KDM2B: variants seen among roughly 807,000 people sequenced by gnomAD.
The protein encoded by KDM2B is lysine-specific demethylase 2B.
In KDM2B, 26 loss-of-function variants were observed where a neutral mutation model predicts 150.0. The ratio of observed to expected loss-of-function variants is 0.17; its 90% CI spans 0.13 to 0.24. The LOEUF (loss-of-function observed/expected upper bound fraction) is 0.24, where lower values mean the gene tolerates loss of function less well. KDM2B is among the 10% of genes least tolerant of loss of function. KDM2B has a pLI of 1.00. For synonymous variants in KDM2B, 734 were observed against 729.5 expected, an observed-to-expected ratio of 1.01 and a Z score of -0.10; for missense variants, 1,265 against 1,816.9, an observed-to-expected ratio of 0.70 and a Z score of 5.52.
intron 12 of KDM2B, among the ~76,000 whole-genome samples, chr12:121,457,701 C>T (rs1461709511): frequency 6.6e-6 from 1 of 151,248 alleles, no homozygotes. Context: ...GGAACCATAT[C>T]CTCAGCCCAC....
intron 22 of KDM2B, among the ~76,000 whole-genome samples, chr12:121,433,457 T>G (rs917763622): frequency 7.9e-5 from 12 of 152,228 alleles, no homozygotes; most frequent in Non-Finnish European, 1.5e-5. Context: ...TGGGCTCAAG[T>G]GATCCTCCCA....
At chr12:121,484,302 G>A (rs1385189458) in intron 12 of KDM2B, among the ~76,000 whole-genome samples, 4 of 152,104 alleles carry the variant, frequency 2.6e-5, no homozygotes, top group Admixed American at 6.6e-5. Context: ...GGTTGGGGCT[G>A]GCATGGAGAG....
intron 4 of KDM2B, among the ~76,000 whole-genome samples, chr12:121,554,033 CCACA>C (rs56659514): frequency 0.14 from 16,927 of 121,892 alleles, 1,137 homozygotes; most frequent in African/African-American, 0.18. Flanking sequence ...CACCCCAGCT[CCACA>C]CACACACACA....
chr12:121,553,180 G>A (rs1038578423), intron 4 of KDM2B, among the ~76,000 whole-genome samples: 35 of 151,764 alleles, frequency 2.3e-4, no homozygotes, highest in African/African-American at 6.8e-4. Context: ...GCAGCGAGCC[G>A]AGATCGCGCC....
At chr12:121,422,843 A>G in the KDM2B span, among the ~76,000 whole-genome samples, 1 of 152,352 alleles carries the variant, frequency 6.6e-6, no homozygotes, top group South Asian at 2.1e-4. Context: ...CAGCAGGGCC[A>G]GGAACACAGA....
chr12:121,505,285 C>CA (rs34080184), intron 11 of KDM2B, among the ~76,000 whole-genome samples: 1,359 of 84,286 alleles, frequency 0.016, 19 homozygotes, highest in Middle Eastern at 0.082. Flanking sequence ...GATTGCATCT[C>CA]AAAAAAAAAA....
chr12:121,414,595 A>C, the KDM2B span, among the ~76,000 whole-genome samples: 1 of 152,248 alleles, frequency 6.6e-6, no homozygotes, highest in Non-Finnish European at 1.5e-5. Context: ...TTGGAAGGTC[A>C]TGATGGTTAT....
At chr12:121,491,549 T>C (rs1270974509) in intron 12 of KDM2B, among the ~76,000 whole-genome samples, 1 of 152,094 alleles carries the variant, frequency 6.6e-6, no homozygotes. Context: ...TTCCAGCACT[T>C]TGGGAGGCCG....
chr12:121,415,278 T>G, the KDM2B span: 2 of 374,640 alleles, frequency 5.3e-6, no homozygotes, highest in African/African-American at 4.1e-5. Context: ...CTATAGTATA[T>G]TATACCCAAT....
Position 121,520,880 on chromosome 12 carries a change from A to C in KDM2B, c.1047+105T>G. 6.3e-6 allele frequency: 3 copies of C among 478,704 alleles called. No homozygotes were observed. Among genetic ancestry groups the C allele is most frequent in the Non-Finnish European group, 7.4e-6 (2 of 271,510 alleles). 29.7% of individuals were successfully genotyped at this position (478,704 alleles called of 1,614,324 possible). On this transcript the variant is annotated intron_variant, in intron 9 of 22. Transcript: ENST00000377071. The surrounding 1 kb of genome is among the most constrained non-coding windows in gnomAD (Gnocchi z 4.5). ...CAGCTTGAGAGAGGAATCGGGAGGG[A>C]GAGGGGAACTGTGGAGGACTTCAGT...
Position 121,444,111 on chromosome 12 carries a change from CT to C in KDM2B, c.2351del (p.Lys784ArgfsTer17). On this transcript the variant is annotated frameshift_variant, in exon 16 of 23. Coordinates refer to ENST00000377071, the MANE Select transcript of KDM2B (RefSeq NM_032590.5). LOFTEE classifies it high-confidence loss of function. Reference protein sequence around the residue: ...PRRRSDEHSKKVPPDGLLRRK... With the variant: ...PRRRSDEHSKXVPPDGLLRRK... The stretch of plus-strand genomic sequence containing the variant: ...TGCGCAGAAGGCCGTCCGGCGGCAC[CT>C]TCTTCGAGTGCTCATCCGACCTGCG... 6.2e-7 allele frequency: 1 copy of C among 1,613,618 alleles called. No individual in the cohort carries two copies.
intron 10 of KDM2B, among the ~76,000 whole-genome samples, chr12:121,512,978 G>GT (rs1195607961): frequency 6.6e-6 from 1 of 152,262 alleles, no homozygotes; most frequent in African/African-American, 2.4e-5. Context: ...TCTCTGCTCT[G>GT]TGGGGTGATC....
intron 22 of KDM2B, among the ~76,000 whole-genome samples, chr12:121,433,595 CATAA>C (rs1873430786): frequency 6.6e-6 from 1 of 152,198 alleles, no homozygotes; most frequent in Admixed American, 6.5e-5. Flanking sequence ...CTAAATTAGA[CATAA>C]ATAAATGGAA....
chr12:121,573,250 T>G (rs998245945), intron 4 of KDM2B, among the ~76,000 whole-genome samples: 8 of 151,320 alleles, frequency 5.3e-5, no homozygotes, highest in Non-Finnish European at 1.2e-4. Context: ...TGAGCCACCG[T>G]GCTCAGCCAG....
intron 4 of KDM2B, among the ~76,000 whole-genome samples, chr12:121,571,318 TCA>T (rs1891071391): frequency 6.6e-6 from 1 of 152,216 alleles, no homozygotes; most frequent in South Asian, 2.1e-4. Flanking sequence ...GGAAAGAGTC[TCA>T]GTCTGTCACC....
intron 4 of KDM2B, among the ~76,000 whole-genome samples, chr12:121,551,922 A>T (rs1230249792): frequency 6.6e-6 from 1 of 152,218 alleles, no homozygotes; most frequent in East Asian, 1.9e-4. Context: ...AAAAAAAGAA[A>T]GTAACACCTT....
chr12:121,581,505 C>T (rs2136772137), upstream of KDM2B, among the ~76,000 whole-genome samples: 1 of 152,324 alleles, frequency 6.6e-6, no homozygotes, highest in East Asian at 1.9e-4. Flanking sequence ...ACAGTCAGGT[C>T]GACTTGGCTT....
intron 15 of KDM2B, 35 bp from the exon 16 acceptor site, chr12:121,444,307 C>A (rs1555289569): frequency 1.9e-6 from 3 of 1,611,544 alleles, no homozygotes; most frequent in South Asian, 2.2e-5. Context: ...AACAGACCAA[C>A]TGTATACCTT....
the KDM2B span, among the ~76,000 whole-genome samples, chr12:121,415,531 G>A: frequency 2.6e-5 from 4 of 152,024 alleles, no homozygotes; most frequent in African/African-American, 4.8e-5. Flanking sequence ...CAGGAGAATC[G>A]CTTGAACCCA....
Sources: allele counts gnomAD v4.1 joint callset (sites outside exome capture counted in the v4.1 genomes callset), GRCh38; gene constraint gnomAD v4.1.1; non-coding constraint Gnocchi (gnomAD v3.1); transcripts MANE v1.5; gene names NCBI Gene and HGNC (gene_info 2026-07-23, HGNC 2026-07-21).